The following SCNN1A variants were observed in gnomAD, a reference collection of about 807,000 sequenced individuals.
SCNN1A encodes epithelial sodium channel subunit alpha.
Under a neutral mutation model 68.6 loss-of-function variants are expected in SCNN1A, and 65 were observed. That is an observed-to-expected ratio of 0.95 (90% CI 0.78 to 1.16). SCNN1A has a LOEUF of 1.16. Among genes scored for constraint, SCNN1A ranks in the 50% most tolerant of loss-of-function variants. The pLI is 0.00. For missense variants in SCNN1A, 880 were observed against 865.9 expected (o/e 1.02, Z -0.20); for synonymous variants, 357 against 353.3 (o/e 1.01, Z -0.12).
Position 6,349,211 on chromosome 12 carries a change from A to G in SCNN1A, c.1450T>C (p.Tyr484His). The G allele has an allele frequency of 6.2e-7, 1 of 1,614,132 alleles. No individual in the cohort carries two copies. Among genetic ancestry groups the G allele is most frequent in the South Asian group, 1.1e-5 (1 of 91,086 alleles). ...CGTGAGTAACCAGCAGAGAGCTGGT[A>G]GCTGGTCACGCTGGGGATGGAGAAA... ...KCRKPCSVTS[Y>H]QLSAGYSRWP... The change falls in exon 10 of 13, where the codon TAC (tyrosine) becomes CAC (histidine). Residue 484 changes from tyrosine (Y) to histidine (H), a missense_variant. Tyr to His is a moderately conservative substitution (Grantham distance 83). Transcript: ENST00000228916.
intron 8 of SCNN1A, among the ~76,000 whole-genome samples, chr12:6,350,792 G>A (rs942183159): frequency 5.9e-5 from 9 of 152,086 alleles, no homozygotes; most frequent in Admixed American, 1.3e-4. Flanking sequence ...TGCCAAGATC[G>A]TGCCACTGCA....
At chr12:6,348,682 G>A (rs769353450) in intron 12 of SCNN1A, 45 bp downstream of exon 12, 1 of 1,531,706 alleles carries the variant, frequency 6.5e-7, no homozygotes, top group Non-Finnish European at 9.0e-7. Flanking sequence ...GCCCTGCTAA[G>A]TAAGACCCCC....
intron 2 of SCNN1A, among the ~76,000 whole-genome samples, chr12:6,364,298 C>G (rs1004004568): frequency 2.0e-5 from 3 of 152,194 alleles, no homozygotes; most frequent in African/African-American, 7.2e-5. Context: ...ACACAGCTCA[C>G]TGTAAATCCC....
chr12:6,375,334 T>C, intron 1 of SCNN1A, 171 bp downstream of exon 1: 1 of 1,440,650 alleles, frequency 6.9e-7, no homozygotes. Flanking sequence ...GGCCCTCAGC[T>C]CCAGCCTCTG....
chr12:6,348,949 C>T lies in SCNN1A; in HGVS notation c.1553+1G>A. 6.2e-7 allele frequency: 1 copy of T among 1,614,070 alleles called. No homozygotes were observed. The highest frequency in any genetic ancestry group is 1.7e-5 in the Admixed American group (1 of 60,008). On this transcript the variant is annotated splice_donor_variant, in intron 11 of 12. Coordinates refer to ENST00000228916, the MANE Select transcript of SCNN1A (RefSeq NM_001038.6). LOFTEE classifies it high-confidence loss of function. The stretch of plus-strand genomic sequence containing the variant: ...GTGGCTGGGACCAGGGCAGGACTGA[C>T]CTCTTGTTGTTGACGGTGTAATTGT...
chr12:6,361,542 C>T (rs956962405), intron 4 of SCNN1A, among the ~76,000 whole-genome samples: 2 of 152,222 alleles, frequency 1.3e-5, no homozygotes, highest in Admixed American at 6.5e-5. Context: ...GAGTTGGAGA[C>T]CAGCCTGACC....
In SCNN1A at chr12:6,375,293, TC is replaced by T. The variant is rs933117384; in HGVS notation, c.-55+211del. 1.3e-4 allele frequency: 181 copies of T among 1,435,374 alleles called. No individual in the cohort carries two copies. The African/African-American group carries it at 1.9e-3, about 15-fold the overall frequency. The allele number at this position is 1,435,374 out of a possible 1,614,324, so 88.9% of individuals were successfully genotyped here. A position where few individuals can be genotyped will look rare whatever the true frequency, so the allele number is the denominator to read the frequency against. ...CTCTCTAATCCTGCCTCTCTTCCTC[TC>T]CCCCCCTTGCCTTGCCCCCTCTCAC... On this transcript the variant is annotated intron_variant, in intron 1 of 12. Transcript: ENST00000228916.
Position 6,374,392 on chromosome 12 carries a change from G to A in SCNN1A, c.392C>T (p.Thr131Ile). The A allele has an allele frequency of 6.2e-7, 1 of 1,614,238 alleles. No homozygotes were observed. Among genetic ancestry groups the A allele is most frequent in the Non-Finnish European group, 8.5e-7 (1 of 1,180,040 alleles). Residue 131 changes from threonine (T) to isoleucine (I), a missense_variant, in exon 2 of 13, where the codon ACC (threonine) becomes ATC (isoleucine). Transcript: ENST00000228916. The surrounding 1 kb of genome is among the most constrained non-coding windows in gnomAD (Gnocchi z 6.2). The part of the protein sequence containing the change: ...NSDKLVFPAV[T>I]ICTLNPYRYP... ...CCTGTAGGGATTGAGGGTGCAGATGGTCACTGCGGGGAAGACGAGCTTGTC... is the reference window on the plus strand; with the variant it reads ...CCTGTAGGGATTGAGGGTGCAGATGATCACTGCGGGGAAGACGAGCTTGTC...
At chr12:6,358,685 C>T (rs1592070746) in intron 4 of SCNN1A, among the ~76,000 whole-genome samples, 1 of 151,940 alleles carries the variant, frequency 6.6e-6, no homozygotes, top group East Asian at 1.9e-4. Context: ...ATAGTGAGAC[C>T]TAGTCTCTAC....
chr12:6,355,724 C>G, intron 5 of SCNN1A, 53 bp downstream of exon 5: 1 of 1,257,152 alleles, frequency 8.0e-7, no homozygotes, highest in Non-Finnish European at 1.2e-6. Flanking sequence ...AAGGTAAGTA[C>G]AGGTGAGTGG....
At chr12:6,361,773 T>C (rs1367821536) in intron 4 of SCNN1A, among the ~76,000 whole-genome samples, 1 of 151,828 alleles carries the variant, frequency 6.6e-6, no homozygotes, top group African/African-American at 2.4e-5. Flanking sequence ...AAGACCAAGA[T>C]CCATGCTTCC....
intron 4 of SCNN1A, among the ~76,000 whole-genome samples, chr12:6,357,901 G>A (rs190864410): frequency 5.9e-4 from 90 of 152,364 alleles, no homozygotes; most frequent in Admixed American, 5.4e-3. Context: ...AGGAAGCTGA[G>A]GCAGGAGAAT....
At chr12:6,371,344 T>C (rs933173674) in intron 2 of SCNN1A, among the ~76,000 whole-genome samples, 1 of 151,786 alleles carries the variant, frequency 6.6e-6, no homozygotes, top group African/African-American at 2.4e-5. Flanking sequence ...GCCTGACAAA[T>C]TGTCCTCCAA....
rs147302201 is a variant in SCNN1A, at chr12:6,358,976, T to C, written c.875+3075A>G. Among the ~76,000 whole-genome samples the C allele has an allele frequency of 2.2e-3, 341 of 151,684 alleles. 1 individual carries two copies. Among genetic ancestry groups the C allele is most frequent in the Non-Finnish European group, 3.8e-3 (260 of 67,972 alleles). On this transcript the variant is annotated intron_variant, in intron 4 of 12. Coordinates refer to ENST00000228916, the MANE Select transcript of SCNN1A (RefSeq NM_001038.6). ...TAAGCTTTGAAAACGTTATGCTAAA[T>C]GAAAGAGGCCACTCACAAAAGACCA...
Position 6,363,430 on chromosome 12 carries a change from C to CT in SCNN1A, c.684+12dup, listed in dbSNP as rs534245205. ...GAGGGGCGGGGCGGGCCCCTCGGCGCTGCGGGCCTCACCAGCTGGAAGCCG... is the reference window on the plus strand; with the variant it reads ...GAGGGGCGGGGCGGGCCCCTCGGCGCTTGCGGGCCTCACCAGCTGGAAGCCG... On this transcript the variant is annotated intron_variant, in intron 3 of 12. Coordinates refer to ENST00000228916, the MANE Select transcript of SCNN1A (RefSeq NM_001038.6). 449 of 1,539,348 alleles carry CT rather than the reference C, an allele frequency of 2.9e-4. 2 individuals are homozygous for CT. In the African/African-American group the frequency reaches 5.5e-3, roughly 19 times the overall value.
At chr12:6,358,854 TG>T (rs1207090388) in intron 4 of SCNN1A, among the ~76,000 whole-genome samples, 22 of 123,230 alleles carry the variant, frequency 1.8e-4, no homozygotes, top group African/African-American at 8.9e-4. Flanking sequence ...AGTGAGAACC[TG>T]TCTCAAAAAA....
chr12:6,355,942 G>A (rs1948489448), intron 4 of SCNN1A, 62 bp from the exon 5 acceptor site: 2 of 1,036,668 alleles, frequency 1.9e-6, no homozygotes, highest in Non-Finnish European at 3.1e-6. Context: ...GGAATAGGGA[G>A]ATGAGGCAGA....
rs777998769 is a variant in SCNN1A at position 6,349,054 on chromosome 12, C to T, written c.1498-49G>A. ...CAAGGTCACTCCCATATGCTTCAGG[C>T]TTACAGGGATAGGGTTGTGTCAAAC... On this transcript the variant is annotated intron_variant, in intron 10 of 12. Coordinates refer to ENST00000228916, the MANE Select transcript of SCNN1A (RefSeq NM_001038.6). 11 of 1,608,742 alleles carry T rather than the reference C, an allele frequency of 6.8e-6. No individual in the cohort carries two copies. The Admixed American group carries it at 1.7e-4, about 24-fold the overall frequency.
chr12:6,354,671 T>A, intron 7 of SCNN1A, 79 bp downstream of exon 7: 1 of 1,433,130 alleles, frequency 7.0e-7, no homozygotes, highest in South Asian at 1.1e-5. Context: ...CTCTCTCACA[T>A]ACACAACCCC....
Sources: gnomAD v4.1 joint callset for allele counts (sites outside exome capture counted in the v4.1 genomes callset) on GRCh38, gnomAD v4.1.1 for gene constraint, Gnocchi (gnomAD v3.1) non-coding constraint, MANE v1.5 for transcripts, NCBI Gene and HGNC (gene_info 2026-07-23, HGNC 2026-07-21) for gene names.